The following ANAPC5 variants were observed in gnomAD, a reference collection of about 807,000 sequenced individuals.
ANAPC5 encodes anaphase-promoting complex subunit 5.
ANAPC5 carries 60 observed loss-of-function variants against 91.3 expected under a neutral mutation model. That is an observed-to-expected ratio of 0.66 (90% CI 0.53 to 0.81). The LOEUF is 0.81. Ranked by LOEUF, ANAPC5 falls within the 40% of genes least tolerant of loss-of-function variation. The probability of loss-of-function intolerance (pLI) is 0.00; values close to 1 mark genes in which losing one functional copy is unlikely to be tolerated. For missense variants in ANAPC5, 690 were observed against 931.5 expected (o/e 0.74, Z 3.37); for synonymous variants, 340 against 364.1 (o/e 0.93, Z 0.75).
chr12:121,346,809 G>T, intron 3 of ANAPC5, 87 bp downstream of exon 3: 3 of 747,264 alleles, frequency 4.0e-6, no homozygotes, highest in Non-Finnish European at 6.4e-6. Flanking sequence ...TCTGTTCACA[G>T]ATATAGCAGA....
At chr12:121,334,106 C>T (rs782267122) in intron 7 of ANAPC5, 1 of 152,092 alleles carries the variant, frequency 6.6e-6, no homozygotes, top group African/African-American at 2.4e-5. Flanking sequence ...CAAGATCCTA[C>T]CTCTACAAAA....
At chr12:121,352,097 T>C in intron 1 of ANAPC5, 37 bp downstream of exon 1, 1 of 1,567,286 alleles carries the variant, frequency 6.4e-7, no homozygotes, top group Non-Finnish European at 8.7e-7. Context: ...TCAGTAAAAG[T>C]TTGCTGCACG....
At chr12:121,352,641 G>A (rs1397002808), upstream of ANAPC5, among the ~76,000 whole-genome samples, 1 of 144,620 alleles carries the variant, frequency 6.9e-6, no homozygotes, top group African/African-American at 2.5e-5. Flanking sequence ...GGATGGGAGG[G>A]GAAGTCGATG....
Position 121,319,621 on chromosome 12 carries a change from A to G in ANAPC5, c.1637+76T>C, listed in dbSNP as rs896639995. The G allele has an allele frequency of 2.2e-5, 31 of 1,412,416 alleles. No homozygotes were observed. The African/African-American group carries it at 3.8e-4, about 18-fold the overall frequency. The allele number at this position is 1,412,416 out of a possible 1,614,324, so 87.5% of individuals were successfully genotyped here. The stretch of plus-strand genomic sequence containing the variant: ...GTTTTTTTCTAAGCTAAAATAAATT[A>G]ATGCACATATAAAACAAAAACAAAA... On this transcript the variant is annotated intron_variant, in intron 13 of 16. Coordinates refer to ENST00000261819, the MANE Select transcript of ANAPC5 (RefSeq NM_016237.5).
At chr12:121,322,712 T>G (rs186363271) in intron 11 of ANAPC5, among the ~76,000 whole-genome samples, 7 of 152,254 alleles carry the variant, frequency 4.6e-5, no homozygotes, top group Non-Finnish European at 7.4e-5. Flanking sequence ...CTGGTCCAAT[T>G]ATTTCCTTAG....
intron 16 of ANAPC5, among the ~76,000 whole-genome samples, 156 bp from the exon 17 acceptor site, chr12:121,308,847 G>C (rs113776729): frequency 1.3e-5 from 2 of 152,144 alleles, no homozygotes; most frequent in Non-Finnish European, 2.9e-5. Context: ...CTAGGGTGAG[G>C]TTTTCAAAAA....
Position 121,346,914 on chromosome 12 carries a change from G to T in ANAPC5, c.379C>A (p.His127Asn). The T allele has an allele frequency of 6.2e-7, 1 of 1,604,518 alleles. No individual in the cohort carries two copies. The highest frequency in any genetic ancestry group is 8.5e-7 in the Non-Finnish European group (1 of 1,176,918). The change falls in exon 3 of 17, where the codon CAC becomes AAC. Residue 127 changes from histidine to asparagine, a missense_variant. Physicochemically the swap from His to Asn is moderately conservative, Grantham distance 68. Around this residue, in one of 5 missense-constraint regions of ANAPC5, gnomAD observed 238 missense variants for 264.9 expected, o/e 0.90. Coordinates refer to ENST00000261819, the MANE Select transcript of ANAPC5 (RefSeq NM_016237.5). The stretch of plus-strand genomic sequence containing the variant: ...TTCATACCTACTACACTTGTTTTGT[G>T]AACCTCTGGTTCAGTTCCAGAGAAA... ...DSFSGTEPEVHKTSVVGLFLR... is the reference protein window; with the variant it reads ...DSFSGTEPEVNKTSVVGLFLR...
intron 15 of ANAPC5, among the ~76,000 whole-genome samples, chr12:121,314,277 T>C (rs1902270549): frequency 6.6e-6 from 1 of 152,228 alleles, no homozygotes; most frequent in South Asian, 2.1e-4. Flanking sequence ...TGCACACCTG[T>C]GATCCCAGCT....
chr12:121,351,380 T>A (rs1555275341), intron 1 of ANAPC5, among the ~76,000 whole-genome samples: 1 of 151,464 alleles, frequency 6.6e-6, no homozygotes, highest in Non-Finnish European at 1.5e-5. Flanking sequence ...CTCAAAAAAA[T>A]AATAATAATT....
chr12:121,343,189 A>G (rs1221413147), intron 4 of ANAPC5, among the ~76,000 whole-genome samples: 2 of 152,202 alleles, frequency 1.3e-5, no homozygotes, highest in African/African-American at 4.8e-5. Flanking sequence ...GAGAAAACCA[A>G]CCCAAATAAG....
chr12:121,351,419 C>T (rs1414669703), intron 1 of ANAPC5, among the ~76,000 whole-genome samples: 3 of 151,394 alleles, frequency 2.0e-5, no homozygotes, highest in Non-Finnish European at 4.4e-5. Context: ...AAGTGCTTAG[C>T]ACACAGTTAA....
chr12:121,317,034 A>G (rs1902393251), intron 15 of ANAPC5, among the ~76,000 whole-genome samples: 1 of 152,198 alleles, frequency 6.6e-6, no homozygotes, highest in South Asian at 2.1e-4. Context: ...TGTTCAGAAT[A>G]GGCAAACTCA....
chr12:121,346,932 C>T lies in ANAPC5; in HGVS notation c.361G>A (p.Gly121Arg). The T allele has an allele frequency of 1.2e-6, 2 of 1,611,748 alleles. No individual in the cohort carries two copies. Among genetic ancestry groups the T allele is most frequent in the Non-Finnish European group, 8.5e-7 (1 of 1,179,326 alleles). Residue 121 changes from glycine (G) to arginine (R), a missense_variant, in exon 3 of 17, where the codon GGA (glycine) becomes AGA (arginine). Around this residue, in one of 5 missense-constraint regions of ANAPC5, gnomAD observed 238 missense variants for 264.9 expected, o/e 0.90. Transcript: ENST00000261819. The part of the protein sequence containing the change: ...FFDDLSDSFS[G>R]TEPEVHKTSV... ...GTTTTGTGAACCTCTGGTTCAGTTC[C>T]AGAGAAAGAATCTGAAAGGTCATCA...
At chr12:121,311,423 A>C (rs1313002919) in intron 15 of ANAPC5, among the ~76,000 whole-genome samples, 1 of 152,346 alleles carries the variant, frequency 6.6e-6, no homozygotes, top group East Asian at 1.9e-4. Flanking sequence ...GGAGGACATT[A>C]TATACTCATG....
chr12:121,327,282 G>A lies in ANAPC5; in HGVS notation c.1305-51C>T, dbSNP rs1299640752. Reference sequence around the variant, plus strand: ...TCCTTTCAGCAGCAGACCTGGCTGCGCTTTGGCCATGCCCGTCAGCTATCT... The same window carrying A: ...TCCTTTCAGCAGCAGACCTGGCTGCACTTTGGCCATGCCCGTCAGCTATCT... On this transcript the variant is annotated intron_variant, in intron 10 of 16. Transcript: ENST00000261819. 25 of 1,600,370 alleles carry A rather than the reference G, an allele frequency of 1.6e-5. No individual in the cohort carries two copies. The East Asian group carries it at 2.2e-4, about 14-fold the overall frequency.
At chr12:121,317,037 C>A (rs1488343789) in intron 15 of ANAPC5, among the ~76,000 whole-genome samples, 3 of 152,046 alleles carry the variant, frequency 2.0e-5, no homozygotes, top group African/African-American at 7.2e-5. Context: ...TCAGAATAGG[C>A]AAACTCATAG....
rs566905738 is a variant in ANAPC5, at chr12:121,309,952, T to C, written c.1894-89A>G. ...TCATTTCTGGCAGTTCTCTCCTGAA[T>C]GGCTATCTCTGGCTTACCTTTTACC... On this transcript the variant is annotated intron_variant, in intron 15 of 16. Transcript: ENST00000261819. The C allele has an allele frequency of 1.6e-4, 206 of 1,284,762 alleles. No individual in the cohort carries two copies. The Middle Eastern group carries it at 3.0e-3, about 19-fold the overall frequency. The allele number at this position is 1,284,762 out of a possible 1,614,324, so 79.6% of individuals were successfully genotyped here.
chr12:121,342,989 A>C lies in ANAPC5; in HGVS notation c.591-920T>G, dbSNP rs1555274250. Among the ~76,000 whole-genome samples, 4 of 152,254 alleles carry C rather than the reference A, an allele frequency of 2.6e-5. No homozygotes were observed. The highest frequency in any genetic ancestry group is 9.6e-5 in the African/African-American group (4 of 41,474). On this transcript the variant is annotated intron_variant, in intron 4 of 16. Coordinates refer to ENST00000261819, the MANE Select transcript of ANAPC5 (RefSeq NM_016237.5). This position sits in a 1 kb window ranked among gnomAD's most constrained non-coding sequence, Gnocchi z 4.1. ...TAATTTCTTTTAGACAAAGAATTAT[A>C]ATCATTAGTTAGATTTAAATATAAA... is the stretch of plus-strand genomic sequence containing the variant.
rs1423242308 is a variant in ANAPC5, at chr12:121,309,740, C to T, written c.2017G>A (p.Ala673Thr). The change falls in exon 16 of 17, where the codon GCT (alanine) becomes ACT (threonine). Residue 673 changes from alanine (A) to threonine (T), a missense_variant. Physicochemically the swap from Ala to Thr is moderately conservative, Grantham distance 58. Coordinates refer to ENST00000261819, the MANE Select transcript of ANAPC5 (RefSeq NM_016237.5). ...GGCTGATCGTAGGAAGCTGCTGAAG[C>T]CACCTGGCACTTGGCCACTAAGAAC... Reference protein sequence around the residue: ...AMFLVAKCQVASAASYDQPKK... With the variant: ...AMFLVAKCQVTSAASYDQPKK... 1 of 1,614,112 alleles carries T rather than the reference C, an allele frequency of 6.2e-7. No homozygotes were observed. The highest frequency in any genetic ancestry group is 1.7e-5 in the Admixed American group (1 of 60,006).
Sources: gnomAD v4.1 joint callset for allele counts (sites outside exome capture counted in the v4.1 genomes callset) on GRCh38, gnomAD v4.1.1 for gene constraint, gnomAD v4.1.1 regional missense constraint, Gnocchi (gnomAD v3.1) non-coding constraint, MANE v1.5 for transcripts, NCBI Gene and HGNC (gene_info 2026-07-23, HGNC 2026-07-21) for gene names.